TSHZ2: variants seen among roughly 807,000 people sequenced by gnomAD.
TSHZ2 encodes the protein teashirt zinc finger homeobox 2.
In TSHZ2, 21 loss-of-function variants were observed where a neutral mutation model predicts 74.4. The observed-to-expected ratio is 0.28, with a 90% CI of 0.20 to 0.41. The LOEUF (loss-of-function observed/expected upper bound fraction) is 0.41. Among genes scored for constraint, TSHZ2 ranks in the 10% least tolerant of loss-of-function variants. TSHZ2 has a pLI of 1.00. For missense variants in TSHZ2, 1,244 were observed against 1,293.5 expected (o/e 0.96, Z 0.59); for synonymous variants, 540 against 515.3 (o/e 1.05, Z -0.65).
intron 1 of TSHZ2, among the ~76,000 whole-genome samples, chr20:53,205,575 G>A (rs79418577): frequency 3.9e-5 from 6 of 152,220 alleles, no homozygotes; most frequent in South Asian, 2.1e-4. Flanking sequence ...ATATGCAGCC[G>A]CACTGTCCAT....
intron 2 of TSHZ2, among the ~76,000 whole-genome samples, chr20:53,309,854 T>C (rs1264535700): frequency 6.6e-6 from 1 of 152,204 alleles, no homozygotes; most frequent in Non-Finnish European, 1.5e-5. Flanking sequence ...CTGTGTAACA[T>C]GAATCCCAAA....
intron 1 of TSHZ2, among the ~76,000 whole-genome samples, chr20:53,057,606 A>T (rs1984684389): frequency 2.0e-5 from 3 of 152,260 alleles, no homozygotes; most frequent in Non-Finnish European, 2.9e-5. Context: ...ATTTGGTCAT[A>T]TCCCCAAGGA....
At chr20:53,307,824 G>A (rs1568861745) in intron 2 of TSHZ2, among the ~76,000 whole-genome samples, 1 of 151,010 alleles carries the variant, frequency 6.6e-6, no homozygotes. Flanking sequence ...ATGTGATCTG[G>A]GCGGCTCTAA....
In TSHZ2 at chr20:53,052,857, A is replaced by C. The variant is rs143941635; in HGVS notation, c.40+79524A>C. On this transcript the variant is annotated intron_variant, in intron 1 of 2. Coordinates refer to ENST00000371497, the MANE Select transcript of TSHZ2 (RefSeq NM_173485.6). ...AGTGGGATTATGCCTGTTAGATTGC[A>C]TTTCTTAAGACAGCTCTATTGTGAT... 2.6e-3 allele frequency among the ~76,000 whole-genome samples: 390 copies of C among 152,308 alleles called. 1 individual carries two copies. Among genetic ancestry groups the C allele is most frequent in the Middle Eastern group, 0.02 (6 of 294 alleles).
intron 2 of TSHZ2, among the ~76,000 whole-genome samples, chr20:53,327,357 C>A (rs556758489): frequency 6.6e-6 from 1 of 152,078 alleles, no homozygotes; most frequent in Non-Finnish European, 1.5e-5. Flanking sequence ...TGCGTGGTGG[C>A]GGGTGCCTGT....
Position 53,413,387 on chromosome 20 carries a change from G to T in TSHZ2, c.*9-73757G>T, listed in dbSNP as rs75187505. Among the ~76,000 whole-genome samples, 1,196 of 152,354 alleles carry T rather than the reference G, an allele frequency of 7.9e-3. 8 individuals are homozygous for T. Among genetic ancestry groups the T allele is most frequent in the Non-Finnish European group, 0.014 (954 of 68,018 alleles). ...CTGGACTTAGAAATCCTGCAGTGTGGCCAGGTGCGGTGGTGCACGCCTGAA... is the reference window on the plus strand; with the variant it reads ...CTGGACTTAGAAATCCTGCAGTGTGTCCAGGTGCGGTGGTGCACGCCTGAA... On this transcript the variant is annotated intron_variant, in intron 2 of 2. Coordinates refer to ENST00000371497, the MANE Select transcript of TSHZ2 (RefSeq NM_173485.6).
intron 1 of TSHZ2, among the ~76,000 whole-genome samples, chr20:53,012,409 T>G (rs1982882556): frequency 6.6e-6 from 1 of 152,150 alleles, no homozygotes; most frequent in Admixed American, 6.5e-5. Flanking sequence ...TCGTCTGGAT[T>G]TGTTAGGAAT....
intron 2 of TSHZ2, among the ~76,000 whole-genome samples, chr20:53,378,394 G>A (rs1422409399): frequency 6.7e-6 from 1 of 149,804 alleles, no homozygotes; most frequent in Non-Finnish European, 1.5e-5. Flanking sequence ...ACCTAATGCA[G>A]AGCACAAGCT....
chr20:53,328,805 T>C (rs1979598311), intron 2 of TSHZ2, among the ~76,000 whole-genome samples: 1 of 152,214 alleles, frequency 6.6e-6, no homozygotes, highest in African/African-American at 2.4e-5. Flanking sequence ...TTCCATTATA[T>C]ATCACCTTAA....
chr20:52,990,796 T>C (rs967186557), intron 1 of TSHZ2, among the ~76,000 whole-genome samples: 1 of 152,162 alleles, frequency 6.6e-6, no homozygotes, highest in Non-Finnish European at 1.5e-5. Flanking sequence ...AGAACTCCAA[T>C]GTTTAGAAGG....
intron 1 of TSHZ2, among the ~76,000 whole-genome samples, chr20:53,114,540 G>C (rs1265138553): frequency 1.3e-5 from 2 of 152,168 alleles, no homozygotes. Context: ...AGTGCAGTCT[G>C]GTCAAATTAC....
chr20:53,425,674 T>C (rs1983630363), intron 2 of TSHZ2, among the ~76,000 whole-genome samples: 1 of 152,218 alleles, frequency 6.6e-6, no homozygotes, highest in Non-Finnish European at 1.5e-5. Context: ...TATTGAGCTC[T>C]GCCATTATAG....
rs751031548 is a variant in TSHZ2, at chr20:52,983,795, T to A, written c.40+10462T>A. 2.4e-4 allele frequency among the ~76,000 whole-genome samples: 37 copies of A among 152,314 alleles called. No homozygotes were observed. In the Middle Eastern group the frequency reaches 0.01, roughly 42 times the overall value. On this transcript the variant is annotated intron_variant, in intron 1 of 2. Transcript: ENST00000371497. ...AGACAGTGCTTGCTGAGAACATGGA[T>A]GGAGGGGAAGGAGTGGAGGGTCCTC...
intron 1 of TSHZ2, among the ~76,000 whole-genome samples, chr20:52,978,087 C>A (rs528953047): frequency 1.1e-4 from 16 of 152,282 alleles, no homozygotes; most frequent in African/African-American, 3.9e-4. Context: ...TAGTCTCCAA[C>A]GGACGTTTAT....
chr20:53,478,613 GTAAC>G (rs1246629296), intron 2 of TSHZ2, among the ~76,000 whole-genome samples: 1 of 151,416 alleles, frequency 6.6e-6, no homozygotes, highest in African/African-American at 2.4e-5. Flanking sequence ...GTATACATAT[GTAAC>G]TAACCTACAC....
chr20:53,156,136 G>A (rs1026935667), intron 1 of TSHZ2, among the ~76,000 whole-genome samples: 13 of 152,018 alleles, frequency 8.6e-5, no homozygotes, highest in Admixed American at 3.9e-4. Context: ...CCAGACCCAC[G>A]TATCCTTTAC....
chr20:53,239,661 C>A (rs1337958869), intron 1 of TSHZ2, among the ~76,000 whole-genome samples: 2 of 152,082 alleles, frequency 1.3e-5, no homozygotes, highest in Admixed American at 6.5e-5. Flanking sequence ...CTGCGAGCAG[C>A]AATCCCAAAT....
chr20:53,362,250 T>C (rs371447652), intron 2 of TSHZ2, among the ~76,000 whole-genome samples: 18 of 149,844 alleles, frequency 1.2e-4, no homozygotes, highest in African/African-American at 4.2e-4. Flanking sequence ...AGTGGCAGGA[T>C]CTCGGCTCAC....
At chr20:53,154,988 T>G (rs1226197488) in intron 1 of TSHZ2, among the ~76,000 whole-genome samples, 1 of 150,608 alleles carries the variant, frequency 6.6e-6, no homozygotes, top group Non-Finnish European at 1.5e-5. Flanking sequence ...CGATGTAAGT[T>G]GAAAAAAAAA....
Sources: gnomAD v4.1 joint callset for allele counts (sites outside exome capture counted in the v4.1 genomes callset) on GRCh38, gnomAD v4.1.1 for gene constraint, MANE v1.5 for transcripts, NCBI Gene and HGNC (gene_info 2026-07-23, HGNC 2026-07-21) for gene names.